SAMMSON: variants seen among roughly 807,000 people sequenced by gnomAD.
SAMMSON encodes survival associated mitochondrial melanoma specific oncogenic non-coding RNA.
chr3:70,142,080 G>T (rs1222221023), intron 4 of SAMMSON, among the ~76,000 whole-genome samples: 1 of 151,754 alleles, frequency 6.6e-6, no homozygotes, highest in Non-Finnish European at 1.5e-5. Context: ...TACACTGCTG[G>T]TGGGAATGTA....
intron 2 of SAMMSON, among the ~76,000 whole-genome samples, chr3:70,430,909 T>C (rs1310850964): frequency 1.3e-5 from 2 of 151,974 alleles, no homozygotes; most frequent in Non-Finnish European, 2.9e-5. Flanking sequence ...ATTTGGAAGA[T>C]ACCTTATTTA....
At chr3:70,150,444 C>T (rs563495040) in intron 4 of SAMMSON, among the ~76,000 whole-genome samples, 123 of 151,974 alleles carry the variant, frequency 8.1e-4, no homozygotes, top group Non-Finnish European at 1.6e-3. Flanking sequence ...TAGTTCTTAT[C>T]CAAGTATCAC....
At chr3:70,202,041 C>T (rs1701245314) in intron 4 of SAMMSON, among the ~76,000 whole-genome samples, 1 of 152,170 alleles carries the variant, frequency 6.6e-6, no homozygotes, top group Admixed American at 6.5e-5. Flanking sequence ...ACCACAGTGA[C>T]TGTGGTCTAA....
intron 4 of SAMMSON, among the ~76,000 whole-genome samples, chr3:70,212,790 T>TTC (rs1350269491): frequency 1.3e-5 from 2 of 149,242 alleles, no homozygotes; most frequent in Non-Finnish European, 2.9e-5. Flanking sequence ...TTTTCCCATT[T>TTC]TCTCTCTCTT....
At chr3:70,046,435 G>A (rs1235326355) in intron 3 of SAMMSON, among the ~76,000 whole-genome samples, 1 of 151,920 alleles carries the variant, frequency 6.6e-6, no homozygotes, top group Non-Finnish European at 1.5e-5. Context: ...TTTGCAATGC[G>A]GTACATGTAA....
intron 9 of SAMMSON, among the ~76,000 whole-genome samples, chr3:70,378,921 T>C (rs1703042521): frequency 6.6e-6 from 1 of 152,080 alleles, no homozygotes; most frequent in African/African-American, 2.4e-5. Context: ...TAAGTGAATG[T>C]TGTGTTCTTT....
chr3:70,209,224 A>T (rs1701318895), intron 4 of SAMMSON, among the ~76,000 whole-genome samples: 1 of 152,000 alleles, frequency 6.6e-6, no homozygotes, highest in Non-Finnish European at 1.5e-5. Context: ...GCATGGAGAG[A>T]TTGTAGGATG....
intron 4 of SAMMSON, among the ~76,000 whole-genome samples, chr3:70,185,799 C>T (rs979555545): frequency 5.5e-5 from 7 of 127,232 alleles, no homozygotes; most frequent in African/African-American, 1.8e-4. Context: ...AGCAAGACCC[C>T]GCCTCTACAA....
intron 7 of SAMMSON, among the ~76,000 whole-genome samples, chr3:70,332,053 T>C (rs1702625161): frequency 6.6e-6 from 1 of 152,216 alleles, no homozygotes; most frequent in South Asian, 2.1e-4. Context: ...ATTGTTTAGA[T>C]AAACTTGAAT....
chr3:70,067,892 G>C (rs1365105156), intron 3 of SAMMSON, among the ~76,000 whole-genome samples: 1 of 152,056 alleles, frequency 6.6e-6, no homozygotes, highest in Non-Finnish European at 1.5e-5. Context: ...TTTTGCTACT[G>C]TCATTTCCAA....
chr3:70,399,334 T>C (rs569454005), intron 2 of SAMMSON, among the ~76,000 whole-genome samples: 1 of 152,116 alleles, frequency 6.6e-6, no homozygotes, highest in Non-Finnish European at 1.5e-5. Context: ...GGGTAGAAAT[T>C]GGGAAGAGGT....
chr3:70,092,477 T>C (rs1300718025), intron 4 of SAMMSON, among the ~76,000 whole-genome samples: 1 of 151,006 alleles, frequency 6.6e-6, no homozygotes, highest in African/African-American at 2.4e-5. Context: ...TTTCGTCTCA[T>C]TGTTTTCTCA....
At chr3:70,427,827 G>T (rs935356945) in intron 2 of SAMMSON, among the ~76,000 whole-genome samples, 1 of 151,694 alleles carries the variant, frequency 6.6e-6, no homozygotes, top group African/African-American at 2.4e-5. Context: ...GGAGTCTCTT[G>T]CTTTCAGTGT....
intron 1 of SAMMSON, among the ~76,000 whole-genome samples, chr3:70,007,739 G>A: frequency 6.6e-6 from 1 of 151,996 alleles, no homozygotes. Context: ...TGTCCTGAAT[G>A]GTATTGCTTA....
chr3:70,195,083 G>A (rs528820081), intron 4 of SAMMSON, among the ~76,000 whole-genome samples: 67 of 152,300 alleles, frequency 4.4e-4, no homozygotes, highest in African/African-American at 1.4e-3. Context: ...CCAAGTTAGA[G>A]TTCCTGACAC....
intron 7 of SAMMSON, among the ~76,000 whole-genome samples, chr3:70,299,317 G>A (rs996929754): frequency 6.9e-6 from 1 of 143,970 alleles, no homozygotes; most frequent in Non-Finnish European, 1.5e-5. Context: ...TTATAAATTT[G>A]TGCGTTATTT....
intron 4 of SAMMSON, among the ~76,000 whole-genome samples, chr3:70,107,603 T>A (rs2067371670): frequency 2.3e-5 from 1 of 43,564 alleles, no homozygotes; most frequent in Non-Finnish European, 4.7e-5. Flanking sequence ...CTTCCTTAGT[T>A]TTTTTTTTTT....
chr3:70,012,836 T>C (rs745853051), intron 2 of SAMMSON, among the ~76,000 whole-genome samples: 2 of 152,098 alleles, frequency 1.3e-5, no homozygotes, highest in Non-Finnish European at 2.9e-5. Context: ...TACCTTTGGT[T>C]GTCAATGGGA....
chr3:70,295,002 G>A (rs938196742), intron 7 of SAMMSON, among the ~76,000 whole-genome samples: 1 of 152,076 alleles, frequency 6.6e-6, no homozygotes, highest in African/African-American at 2.4e-5. Context: ...CTAGCAGATG[G>A]GTTCTCATGT....
Sources: allele counts gnomAD v4.1 joint callset (sites outside exome capture counted in the v4.1 genomes callset), GRCh38; gene constraint gnomAD v4.1.1; transcripts MANE v1.5; gene names NCBI Gene and HGNC (gene_info 2026-07-23, HGNC 2026-07-21).